The following RASGEF1C variants were observed in gnomAD, a reference collection of about 807,000 sequenced individuals.
RASGEF1C encodes ras-GEF domain-containing family member 1C.
Under a neutral mutation model 58.1 loss-of-function variants are expected in RASGEF1C, and 27 were observed. The observed-to-expected ratio is 0.46, with a 90% CI of 0.34 to 0.64. The LOEUF is 0.64. RASGEF1C is among the 30% of genes least tolerant of loss of function. The probability of loss-of-function intolerance (pLI) is 0.01; values close to 1 mark genes in which losing one functional copy is unlikely to be tolerated. For synonymous variants in RASGEF1C, 243 were observed against 246.3 expected, an observed-to-expected ratio of 0.99 and a Z score of 0.13; for missense variants, 502 against 605.1, an observed-to-expected ratio of 0.83 and a Z score of 1.79.
intron 1 of RASGEF1C, 101 bp from the exon 2 acceptor site, chr5:180,138,159 T>C (rs1473313638): frequency 4.5e-6 from 3 of 664,976 alleles, no homozygotes; most frequent in Admixed American, 3.5e-5. Flanking sequence ...CTGGGCAGGC[T>C]CCCCCCACAG....
chr5:180,168,989 GT>G lies in RASGEF1C; in HGVS notation c.-6-30932del, dbSNP rs1475325420. 6.6e-6 allele frequency among the ~76,000 whole-genome samples: 1 copy of G among 152,136 alleles called. No individual in the cohort carries two copies. The highest frequency in any genetic ancestry group is 1.5e-5 in the Non-Finnish European group (1 of 68,030). The stretch of plus-strand genomic sequence containing the variant: ...CAGCTGGGTAGTACTCCAAATGCCA[GT>G]TTTCAAAGCCCTCAAGTAGCTTCTC... On this transcript the variant is annotated intron_variant, in intron 1 of 13. Coordinates refer to ENST00000361132, the MANE Select transcript of RASGEF1C (RefSeq NM_175062.4). This position sits in a 1 kb window ranked among gnomAD's most constrained non-coding sequence, Gnocchi z 6.0.
At chr5:180,109,335 G>A (rs928358750) in intron 12 of RASGEF1C, among the ~76,000 whole-genome samples, 3 of 152,174 alleles carry the variant, frequency 2.0e-5, no homozygotes, top group African/African-American at 7.2e-5. Flanking sequence ...GTGGGTGCCT[G>A]TAGTCCCAGC....
chr5:180,181,578 C>T (rs898705808), intron 1 of RASGEF1C, among the ~76,000 whole-genome samples: 22 of 152,152 alleles, frequency 1.4e-4, no homozygotes, highest in African/African-American at 5.1e-4. Flanking sequence ...AGGGCAGAGA[C>T]TGGAGTGATG....
In RASGEF1C at chr5:180,171,846, G is replaced by C. The variant is rs73813824; in HGVS notation, c.-6-33788C>G. Among the ~76,000 whole-genome samples, 1,132 of 152,298 alleles carry C rather than the reference G, an allele frequency of 7.4e-3. 13 individuals carry two copies. Among genetic ancestry groups the C allele is most frequent in the African/African-American group, 0.026 (1,067 of 41,564 alleles). On this transcript the variant is annotated intron_variant, in intron 1 of 13. Transcript: ENST00000361132. ...GGTAAGGCTGTGAGGGCCAGGACCT[G>C]CTCGGCAGCCAGGGTGTGGGCCCAC...
At chr5:180,185,601 AAAATGAAT>A (rs147484291) in intron 1 of RASGEF1C, among the ~76,000 whole-genome samples, 150,779 of 151,598 alleles carry the variant, frequency 0.99, 74,981 homozygotes, top group Middle Eastern at 1. Flanking sequence ...AATAAATTTA[AAAATGAAT>A]AAATAAATAA....
Position 180,137,911 on chromosome 5 carries a change from G to A in RASGEF1C, c.142C>T (p.Gln48Ter). 6.2e-7 allele frequency: 1 copy of A among 1,613,284 alleles called. No individual in the cohort carries two copies. Among genetic ancestry groups the A allele is most frequent in the Non-Finnish European group, 8.5e-7 (1 of 1,179,850 alleles). ...TAGTCGGCTGTGGGCACCAGGTGCTGGATCAGTGTTTCCAGGGAGGCTGAG... is the reference window on the plus strand; with the variant it reads ...TAGTCGGCTGTGGGCACCAGGTGCTAGATCAGTGTTTCCAGGGAGGCTGAG... ...PSSASLETLIQHLVPTADYYP... is the reference protein window; with the variant it reads ...PSSASLETLI Residue 48 changes from glutamine to a stop codon, truncating the protein, a stop_gained, in exon 2 of 14, where the codon CAG (glutamine) becomes TAG (stop). Coordinates refer to ENST00000361132, the MANE Select transcript of RASGEF1C (RefSeq NM_175062.4). LOFTEE classifies it high-confidence loss of function. This position sits in a 1 kb window ranked among gnomAD's most constrained non-coding sequence, Gnocchi z 4.1.
At chr5:180,194,568 A>G (rs563372294) in intron 1 of RASGEF1C, among the ~76,000 whole-genome samples, 1 of 152,284 alleles carries the variant, frequency 6.6e-6, no homozygotes, top group East Asian at 1.9e-4. Context: ...CACAAAAACC[A>G]CTGAGTGTAC....
intron 1 of RASGEF1C, among the ~76,000 whole-genome samples, chr5:180,153,949 G>T (rs1232510202): frequency 2.6e-5 from 4 of 152,220 alleles, no homozygotes; most frequent in Non-Finnish European, 5.9e-5. Flanking sequence ...TGGTTTGTTG[G>T]GAGGGGCTGG....
intron 1 of RASGEF1C, among the ~76,000 whole-genome samples, chr5:180,154,494 T>C (rs2113295398): frequency 6.6e-6 from 1 of 152,254 alleles, no homozygotes; most frequent in Admixed American, 6.5e-5. Context: ...CTACCCACTT[T>C]ACAGTTGAAT....
chr5:180,150,982 T>G (rs1330531109), intron 1 of RASGEF1C, among the ~76,000 whole-genome samples: 3 of 150,480 alleles, frequency 2.0e-5, no homozygotes, highest in Admixed American at 1.3e-4. Context: ...TCAAAGAGAA[T>G]AAAATACCTA....
chr5:180,197,313 C>T lies in RASGEF1C; in HGVS notation c.-7+11715G>A, dbSNP rs376700351. 2.0e-5 allele frequency among the ~76,000 whole-genome samples: 3 copies of T among 152,290 alleles called. No individual in the cohort carries two copies. The highest frequency in any genetic ancestry group is 2.1e-4 in the South Asian group (1 of 4,826). ...CTGGGACGGCAGGGGGAAGCAATGGCGGGATCCAGGGTGCTGCTCAGGGCA... is the reference window on the plus strand; with the variant it reads ...CTGGGACGGCAGGGGGAAGCAATGGTGGGATCCAGGGTGCTGCTCAGGGCA... On this transcript the variant is annotated intron_variant, in intron 1 of 13. Transcript: ENST00000361132. The surrounding 1 kb of genome is among the most constrained non-coding windows in gnomAD (Gnocchi z 4.7).
chr5:180,188,317 T>C (rs1039427856), intron 1 of RASGEF1C, among the ~76,000 whole-genome samples: 1 of 152,214 alleles, frequency 6.6e-6, no homozygotes, highest in African/African-American at 2.4e-5. Context: ...CTGGTTGTCA[T>C]GGCAGGAGAG....
intron 1 of RASGEF1C, among the ~76,000 whole-genome samples, chr5:180,182,176 G>A (rs978961259): frequency 1.7e-5 from 2 of 115,514 alleles, no homozygotes; most frequent in Admixed American, 1.1e-4. Flanking sequence ...CTGAACTCCA[G>A]CCTGGGCAAC....
intron 10 of RASGEF1C, chr5:180,115,421 C>T (rs562192655): frequency 7.0e-5 from 24 of 341,706 alleles, no homozygotes; most frequent in Non-Finnish European, 6.4e-5. Context: ...GAAAGGCTCA[C>T]GGACCCCGCC....
chr5:180,133,137 G>A (rs12515237), intron 4 of RASGEF1C, among the ~76,000 whole-genome samples: 4,146 of 152,138 alleles, frequency 0.027, 204 homozygotes, highest in African/African-American at 0.094. Flanking sequence ...TAACTACTGC[G>A]TCCAACCTAC....
intron 1 of RASGEF1C, among the ~76,000 whole-genome samples, chr5:180,187,828 A>G (rs1022298179): frequency 9.2e-5 from 14 of 152,226 alleles, no homozygotes; most frequent in African/African-American, 3.4e-4. Flanking sequence ...GATGGCCATA[A>G]TCAACAAAAC....
chr5:180,112,985 G>A (rs557484535), intron 11 of RASGEF1C, among the ~76,000 whole-genome samples: 159 of 146,210 alleles, frequency 1.1e-3, no homozygotes, highest in African/African-American at 3.9e-3. Context: ...GAGGGACCGG[G>A]GATGGACGGA....
At chr5:180,152,193 A>G (rs1318007093) in intron 1 of RASGEF1C, among the ~76,000 whole-genome samples, 1 of 152,046 alleles carries the variant, frequency 6.6e-6, no homozygotes, top group Non-Finnish European at 1.5e-5. Flanking sequence ...TAGAAATACC[A>G]TTTGACCCAG....
rs79785307 is a variant in RASGEF1C, at chr5:180,183,103, A to G, written c.-7+25925T>C. ...TGCATGAGTGTAACCTAAACAGATA[A>G]GCTTTTTTAAAAAAAGGTCAGATAC... On this transcript the variant is annotated intron_variant, in intron 1 of 13. Transcript: ENST00000361132. 5.8e-3 allele frequency among the ~76,000 whole-genome samples: 881 copies of G among 152,316 alleles called. 3 individuals carry two copies. Among genetic ancestry groups the G allele is most frequent in the South Asian group, 0.022 (104 of 4,828 alleles).
Sources: gnomAD v4.1 joint callset for allele counts (sites outside exome capture counted in the v4.1 genomes callset) on GRCh38, gnomAD v4.1.1 for gene constraint, Gnocchi (gnomAD v3.1) non-coding constraint, MANE v1.5 for transcripts, NCBI Gene and HGNC (gene_info 2026-07-23, HGNC 2026-07-21) for gene names.